Variants in NFAT5 observed in about 807,000 individuals in gnomAD.
NFAT5 encodes nuclear factor of activated T cells 5, also known as nuclear factor of activated T-cells 5.
Under a neutral mutation model 166.5 loss-of-function variants are expected in NFAT5, and 31 were observed. The observed-to-expected ratio is 0.19, with a 90% confidence interval of 0.14 to 0.25. The LOEUF (loss-of-function observed/expected upper bound fraction) is 0.25. NFAT5 is among the 10% of genes least tolerant of loss of function. The pLI is 1.00. For synonymous variants in NFAT5, 612 were observed against 639.7 expected, an observed-to-expected ratio of 0.96 and a Z score of 0.65; for missense variants, 1,449 against 1,821.8, an observed-to-expected ratio of 0.80 and a Z score of 3.72.
chr16:69,686,364 A>AT (rs1338307883), intron 11 of NFAT5, among the ~76,000 whole-genome samples: 1 of 151,892 alleles, frequency 6.6e-6, no homozygotes, highest in Non-Finnish European at 1.5e-5. Context: ...AAAAAAAAAA[A>AT]TTAAAAACAT....
At chr16:69,676,343 T>C (rs1243553216) in intron 9 of NFAT5, among the ~76,000 whole-genome samples, 2 of 152,218 alleles carry the variant, frequency 1.3e-5, no homozygotes, top group South Asian at 2.1e-4. Context: ...CTTCTGCCAC[T>C]GTTCCAACTA....
At chr16:69,660,759 T>C (rs1354709948) in intron 7 of NFAT5, among the ~76,000 whole-genome samples, 1 of 152,024 alleles carries the variant, frequency 6.6e-6, no homozygotes, top group Non-Finnish European at 1.5e-5. Flanking sequence ...CTAATGATTA[T>C]TGTTATAGGT....
intron 3 of NFAT5, among the ~76,000 whole-genome samples, chr16:69,640,092 A>T (rs922686151): frequency 1.3e-5 from 2 of 152,200 alleles, no homozygotes; most frequent in Admixed American, 6.5e-5. Context: ...CTTATTTTAT[A>T]TGCTGGGATG....
intron 10 of NFAT5, among the ~76,000 whole-genome samples, chr16:69,680,156 T>C (rs1032927538): frequency 1.3e-5 from 2 of 152,158 alleles, no homozygotes; most frequent in African/African-American, 4.8e-5. Context: ...AGTTAAAGCA[T>C]TTTAGTAACT....
intron 3 of NFAT5, among the ~76,000 whole-genome samples, chr16:69,635,738 C>T (rs2034937436): frequency 6.6e-6 from 1 of 152,100 alleles, no homozygotes; most frequent in Admixed American, 6.6e-5. Context: ...TATTAACTAT[C>T]ACAAGAATAG....
intron 3 of NFAT5, among the ~76,000 whole-genome samples, chr16:69,633,635 A>G (rs1597440141): frequency 6.6e-6 from 1 of 152,324 alleles, no homozygotes; most frequent in Non-Finnish European, 1.5e-5. Flanking sequence ...TGTTGGTCTC[A>G]TAGAAGTAAA....
At chr16:69,631,469 T>C (rs528017700) in intron 3 of NFAT5, among the ~76,000 whole-genome samples, 1 of 152,108 alleles carries the variant, frequency 6.6e-6, no homozygotes, top group South Asian at 2.1e-4. Context: ...TGAATTAAAC[T>C]ATAGGTTTTA....
chr16:69,594,228 A>G (rs1288682311), intron 2 of NFAT5, among the ~76,000 whole-genome samples: 1 of 152,248 alleles, frequency 6.6e-6, no homozygotes, highest in Non-Finnish European at 1.5e-5. Context: ...CCTGCTACAT[A>G]TCTAGGCTGT....
intron 7 of NFAT5, among the ~76,000 whole-genome samples, chr16:69,661,852 C>G (rs779337721): frequency 5.3e-5 from 8 of 152,088 alleles, no homozygotes; most frequent in Non-Finnish European, 8.8e-5. Flanking sequence ...TACAGTTTAG[C>G]AGGCTGGGGA....
intron 2 of NFAT5, among the ~76,000 whole-genome samples, chr16:69,604,124 A>G (rs1304876687): frequency 1.3e-5 from 2 of 152,154 alleles, no homozygotes; most frequent in Non-Finnish European, 2.9e-5. Flanking sequence ...AACAGACTAA[A>G]AGTAACTTGT....
chr16:69,668,352 A>G (rs2036487875), intron 7 of NFAT5, among the ~76,000 whole-genome samples: 1 of 152,218 alleles, frequency 6.6e-6, no homozygotes, highest in African/African-American at 2.4e-5. Flanking sequence ...AATGTCATTT[A>G]TCATATACAA....
rs780851457 is a variant in NFAT5, at chr16:69,693,960, G to C, written c.4135G>C (p.Val1379Leu). 6.2e-7 allele frequency: 1 copy of C among 1,614,048 alleles called. No individual in the cohort carries two copies. The highest frequency in any genetic ancestry group is 8.5e-7 in the Non-Finnish European group (1 of 1,180,042). ...CCATAGCTCTCCTCAGATTCAGTTG[G>C]TACAAGGGTCACCTAGTTCTCAAGA... The part of the protein sequence containing the change: ...LFHSSPQIQL[V>L]QGSPSSQEQQ... The change falls in exon 13 of 15, where the codon GTA (valine) becomes CTA (leucine). Residue 1379 changes from valine (V) to leucine (L), a missense_variant. Physicochemically the swap from Val to Leu is conservative, Grantham distance 32. This residue lies in a region of NFAT5 where 891 missense variants were observed against 993.0 expected (regional missense o/e 0.90). Coordinates refer to ENST00000349945, the MANE Select transcript of NFAT5 (RefSeq NM_138713.4).
At chr16:69,648,871 T>C (rs2035556837) in intron 4 of NFAT5, 1 of 919,226 alleles carries the variant, frequency 1.1e-6, no homozygotes, top group Middle Eastern at 5.7e-4. Flanking sequence ...ATTCTTAATA[T>C]ATATTTAACT....
chr16:69,654,656 T>C (rs1487021787), intron 5 of NFAT5, among the ~76,000 whole-genome samples: 1 of 152,244 alleles, frequency 6.6e-6, no homozygotes, highest in Admixed American at 6.5e-5. Context: ...AGGGAATGAA[T>C]TGACCTTAAA....
chr16:69,619,735 C>T (rs2034117564), intron 2 of NFAT5, among the ~76,000 whole-genome samples: 1 of 152,190 alleles, frequency 6.6e-6, no homozygotes, highest in African/African-American at 2.4e-5. Context: ...CTTTTCATCT[C>T]TTCCTGGAAT....
chr16:69,570,202 G>A (rs1442663883), intron 2 of NFAT5, among the ~76,000 whole-genome samples: 2 of 152,036 alleles, frequency 1.3e-5, no homozygotes, highest in Non-Finnish European at 2.9e-5. Context: ...TTAAAGTAAG[G>A]CTACCCTTTT....
intron 2 of NFAT5, among the ~76,000 whole-genome samples, chr16:69,595,218 G>C (rs1049988026): frequency 6.6e-6 from 1 of 152,134 alleles, no homozygotes; most frequent in African/African-American, 2.4e-5. Flanking sequence ...TATAATAAAA[G>C]TTATGTGAAT....
At chr16:69,607,688 G>C (rs1357186489) in intron 2 of NFAT5, among the ~76,000 whole-genome samples, 2 of 152,162 alleles carry the variant, frequency 1.3e-5, no homozygotes, top group Non-Finnish European at 2.9e-5. Flanking sequence ...CTCTTCTAGA[G>C]CACATTTGAA....
At position 69,692,929 on chromosome 16, in the gene NFAT5, A is replaced by G. The variant is rs779806445; in HGVS notation, c.3104A>G (p.Asn1035Ser). ...GTCCAAATGCAACATAGTGGGGACA[A>G]TCAACCTCAAGTTAACCTTTTTTCA... is the stretch of plus-strand genomic sequence containing the variant. ...TMVQMQHSGD[N>S]QPQVNLFSST... The change falls in exon 13 of 15, where the codon AAT becomes AGT. Residue 1035 changes from asparagine to serine, a missense_variant. By Grantham distance (46) the Asn-to-Ser change is conservative (BLOSUM62 1). Transcript: ENST00000349945. 1.1e-5 allele frequency: 17 copies of G among 1,614,098 alleles called. No homozygotes were observed. The African/African-American group carries it at 1.3e-4, about 13-fold the overall frequency.
Sources: allele counts gnomAD v4.1 joint callset (sites outside exome capture counted in the v4.1 genomes callset), GRCh38; gene constraint gnomAD v4.1.1; regional missense constraint gnomAD v4.1.1; transcripts MANE v1.5; gene names NCBI Gene and HGNC (gene_info 2026-07-23, HGNC 2026-07-21).